Variants in DAB1 observed in about 807,000 individuals in gnomAD.
DAB1 encodes disabled homolog 1.
DAB1 carries 15 observed loss-of-function variants against 64.6 expected under a neutral mutation model. The observed-to-expected ratio is 0.23, with a 90% CI of 0.16 to 0.36. DAB1 has a LOEUF of 0.36. Among genes scored for constraint, DAB1 ranks in the 10% least tolerant of loss-of-function variants. The probability of loss-of-function intolerance (pLI) is 1.00; values close to 1 mark genes in which losing one functional copy is unlikely to be tolerated. For synonymous variants in DAB1, 235 were observed against 251.9 expected (o/e 0.93, Z 0.64); for missense variants, 596 against 706.7 (o/e 0.84, Z 1.78).
At chr1:58,429,160 C>T (rs1156502127) in intron 3 of DAB1, among the ~76,000 whole-genome samples, 1 of 152,198 alleles carries the variant, frequency 6.6e-6, no homozygotes, top group African/African-American at 2.4e-5. Context: ...AATTCCAGCA[C>T]TTTGGGGGGC....
At chr1:58,261,292 A>C (rs1160081291) in intron 4 of DAB1, among the ~76,000 whole-genome samples, 1 of 152,236 alleles carries the variant, frequency 6.6e-6, no homozygotes, top group Admixed American at 6.5e-5. Flanking sequence ...AGTGTCAACT[A>C]TATTACTGCT....
intron 2 of DAB1, among the ~76,000 whole-genome samples, chr1:57,227,516 C>CTTTTTTTT (rs1553158361): frequency 9.3e-6 from 1 of 108,026 alleles, no homozygotes; most frequent in African/African-American, 3.5e-5. Context: ...GATTTTTTTT[C>CTTTTTTTT]TTTTGTGTGT....
At chr1:57,737,268 C>T (rs184972943) in intron 6 of DAB1, among the ~76,000 whole-genome samples, 19 of 152,274 alleles carry the variant, frequency 1.2e-4, no homozygotes, top group African/African-American at 4.1e-4. Context: ...CACTTAACTC[C>T]GTGGCATAGA....
intron 3 of DAB1, among the ~76,000 whole-genome samples, chr1:58,402,060 C>T (rs1289721983): frequency 6.6e-6 from 1 of 152,210 alleles, no homozygotes; most frequent in Non-Finnish European, 1.5e-5. Flanking sequence ...AATCCATGCA[C>T]TGAGAAAGAG....
chr1:58,470,242 C>T (rs1013153951), intron 3 of DAB1, among the ~76,000 whole-genome samples: 9 of 151,654 alleles, frequency 5.9e-5, no homozygotes, highest in Non-Finnish European at 1.0e-4. Context: ...GGTGCAGTCT[C>T]GGCTCACTGC....
In DAB1 at chr1:57,268,656, C is replaced by T. The variant is rs145542489; in HGVS notation, c.67+22308G>A. 8.4e-3 allele frequency among the ~76,000 whole-genome samples: 1,272 copies of T among 152,300 alleles called. 14 individuals carry two copies. Among genetic ancestry groups the T allele is most frequent in the Middle Eastern group, 0.024 (7 of 294 alleles). The stretch of plus-strand genomic sequence containing the variant: ...TAATAAAATAAGGAGAGCTGTCAGT[C>T]ATTAAATACCTTCTATGTGCCAAGC... On this transcript the variant is annotated intron_variant, in intron 2 of 14. Transcript: ENST00000371236.
intron 2 of DAB1, among the ~76,000 whole-genome samples, chr1:57,239,206 C>T (rs1294157963): frequency 6.6e-6 from 1 of 152,126 alleles, no homozygotes; most frequent in African/African-American, 2.4e-5. Flanking sequence ...AATGTCCACT[C>T]AGAAGTCATC....
intron 4 of DAB1, among the ~76,000 whole-genome samples, chr1:57,124,192 A>T (rs550865676): frequency 1.6e-4 from 25 of 152,194 alleles, no homozygotes; most frequent in Non-Finnish European, 3.4e-4. Flanking sequence ...AACATAAGAC[A>T]TTCCTTTTAT....
At chr1:57,703,925 C>G (rs1646936331) in intron 6 of DAB1, among the ~76,000 whole-genome samples, 2 of 152,062 alleles carry the variant, frequency 1.3e-5, no homozygotes, top group African/African-American at 4.8e-5. Context: ...CCTTAGCAAA[C>G]TAACACAGGA....
At chr1:58,473,469 G>T (rs1249557984) in intron 3 of DAB1, among the ~76,000 whole-genome samples, 1 of 151,964 alleles carries the variant, frequency 6.6e-6, no homozygotes, top group Non-Finnish European at 1.5e-5. Flanking sequence ...GTGAACCCGG[G>T]AAGCGGAGCT....
At chr1:57,589,765 A>G (rs1288527840) in intron 7 of DAB1, among the ~76,000 whole-genome samples, 1 of 152,198 alleles carries the variant, frequency 6.6e-6, no homozygotes, top group Non-Finnish European at 1.5e-5. Context: ...TCAAGAAGAA[A>G]AAAAAGCAAA....
At chr1:57,741,244 T>G (rs768734048) in intron 6 of DAB1, among the ~76,000 whole-genome samples, 1 of 152,190 alleles carries the variant, frequency 6.6e-6, no homozygotes, top group Non-Finnish European at 1.5e-5. Context: ...CTCTCTACTA[T>G]TCCATCATTC....
chr1:57,849,107 T>A (rs1160378561), intron 1 of DAB1, among the ~76,000 whole-genome samples: 1 of 152,202 alleles, frequency 6.6e-6, no homozygotes, highest in African/African-American at 2.4e-5. Flanking sequence ...GACAGGATGC[T>A]TGAGACAGGG....
chr1:57,131,214 TC>T (rs377395693), intron 4 of DAB1, among the ~76,000 whole-genome samples: 45 of 152,250 alleles, frequency 3.0e-4, no homozygotes, highest in African/African-American at 1.1e-3. Flanking sequence ...GAATTCAATT[TC>T]TTTTGGGTGA....
intron 4 of DAB1, among the ~76,000 whole-genome samples, chr1:57,101,315 C>A (rs1253823374): frequency 6.6e-6 from 1 of 152,188 alleles, no homozygotes. Context: ...ATTTGAAAAC[C>A]AGTAACAAAT....
intron 2 of DAB1, among the ~76,000 whole-genome samples, chr1:57,149,745 T>G (rs955011477): frequency 6.6e-6 from 1 of 152,170 alleles, no homozygotes; most frequent in African/African-American, 2.4e-5. Flanking sequence ...CTATGGGGCT[T>G]CCTATGACCT....
At chr1:57,771,187 TA>T (rs1649545532) in intron 6 of DAB1, among the ~76,000 whole-genome samples, 1 of 152,132 alleles carries the variant, frequency 6.6e-6, no homozygotes, top group South Asian at 2.1e-4. Context: ...ACACAGCTGA[TA>T]AGTGGCAGAC....
chr1:57,856,628 G>A (rs978074414), intron 1 of DAB1, among the ~76,000 whole-genome samples: 2 of 151,970 alleles, frequency 1.3e-5, no homozygotes, highest in African/African-American at 4.8e-5. Context: ...GCTGGGGATG[G>A]TGGTGCGCAC....
At chr1:58,451,243 T>C (rs939919986) in intron 3 of DAB1, among the ~76,000 whole-genome samples, 1 of 152,162 alleles carries the variant, frequency 6.6e-6, no homozygotes, top group South Asian at 2.1e-4. Flanking sequence ...GCACATGCCA[T>C]ACACCCAGCT....
Sources: allele counts gnomAD v4.1 joint callset (sites outside exome capture counted in the v4.1 genomes callset), GRCh38; gene constraint gnomAD v4.1.1; transcripts MANE v1.5; gene names NCBI Gene and HGNC (gene_info 2026-07-23, HGNC 2026-07-21).